BRINP1: variants seen among roughly 807,000 people sequenced by gnomAD.
BRINP1 encodes the protein BMP/retinoic acid-inducible neural-specific protein 1.
Under a neutral mutation model 72.9 loss-of-function variants are expected in BRINP1, and 17 were observed. The ratio of observed to expected loss-of-function variants is 0.23; its 90% CI spans 0.16 to 0.35. The LOEUF (loss-of-function observed/expected upper bound fraction) is 0.35, where lower values mean the gene tolerates loss of function less well. Ranked by LOEUF, BRINP1 falls within the 10% of genes least tolerant of loss-of-function variation. The pLI is 1.00. For synonymous variants in BRINP1, 418 were observed against 378.5 expected (o/e 1.10, Z -1.21); for missense variants, 850 against 1,001.6 (o/e 0.85, Z 2.04).
intron 2 of BRINP1, among the ~76,000 whole-genome samples, chr9:119,288,073 T>C (rs1830784602): frequency 6.6e-6 from 1 of 152,230 alleles, no homozygotes; most frequent in Non-Finnish European, 1.5e-5. Context: ...ATCATGCCTT[T>C]GGAGGAAGGT....
intron 5 of BRINP1, among the ~76,000 whole-genome samples, chr9:119,237,068 A>G (rs1830198909): frequency 6.6e-6 from 1 of 152,144 alleles, no homozygotes; most frequent in Admixed American, 6.5e-5. Context: ...GGAACCAGAA[A>G]ATAAAAGTCA....
At chr9:119,180,677 T>G (rs980896027) in intron 7 of BRINP1, among the ~76,000 whole-genome samples, 12 of 152,344 alleles carry the variant, frequency 7.9e-5, no homozygotes, top group South Asian at 6.2e-4. Context: ...AGATAAATAT[T>G]TAGCTTTTAA....
chr9:119,222,909 T>C, intron 5 of BRINP1, among the ~76,000 whole-genome samples: 1 of 152,008 alleles, frequency 6.6e-6, no homozygotes, highest in East Asian at 1.9e-4. Context: ...AATTTAAATA[T>C]AAGCTTCTTC....
intron 1 of BRINP1, among the ~76,000 whole-genome samples, chr9:119,325,937 C>G (rs755784169): frequency 6.6e-6 from 1 of 152,172 alleles, no homozygotes; most frequent in Non-Finnish European, 1.5e-5. Context: ...CTTGTTTAGA[C>G]TGTTCCCTCT....
At chr9:119,238,577 C>A in intron 5 of BRINP1, 78 bp downstream of exon 5, 1 of 792,026 alleles carries the variant, frequency 1.3e-6, no homozygotes, top group Non-Finnish European at 2.0e-6. Flanking sequence ...TCACTCCATC[C>A]CTCCTGATCC....
chr9:119,206,332 A>AT (rs1829853238), intron 7 of BRINP1, among the ~76,000 whole-genome samples: 1 of 150,290 alleles, frequency 6.7e-6, no homozygotes, highest in Admixed American at 6.7e-5. Context: ...GAGCAGGAGA[A>AT]TCGCTTGAAC....
At chr9:119,262,097 G>C (rs1286993233) in intron 2 of BRINP1, among the ~76,000 whole-genome samples, 1 of 152,154 alleles carries the variant, frequency 6.6e-6, no homozygotes, top group Admixed American at 6.5e-5. Context: ...GCTGGTTGTG[G>C]TTATTTTCAT....
chr9:119,318,844 G>GGGGTGTGTGTGTGT (rs111313745), intron 1 of BRINP1, among the ~76,000 whole-genome samples: 1 of 142,146 alleles, frequency 7.0e-6, no homozygotes, highest in African/African-American at 2.6e-5. Flanking sequence ...AAATGTGTGG[G>GGGGTGTGTGTGTGT]GTGTGTGTGT....
chr9:119,220,467 T>C (rs557521987), intron 5 of BRINP1, among the ~76,000 whole-genome samples: 1 of 152,162 alleles, frequency 6.6e-6, no homozygotes. Flanking sequence ...ATCGCTGACT[T>C]TGATTCTGCT....
chr9:119,247,776 ACTT>A (rs1300434784), intron 3 of BRINP1, among the ~76,000 whole-genome samples: 3 of 151,912 alleles, frequency 2.0e-5, no homozygotes, highest in East Asian at 1.9e-4. Flanking sequence ...TACTAGCTGT[ACTT>A]CTTCTGGGTC....
At chr9:119,271,946 C>T (rs1457419429) in intron 2 of BRINP1, among the ~76,000 whole-genome samples, 1 of 152,064 alleles carries the variant, frequency 6.6e-6, no homozygotes, top group African/African-American at 2.4e-5. Context: ...AGCAATCTTC[C>T]TGCCCCAGCC....
chr9:119,317,697 T>C (rs1055403644), intron 1 of BRINP1, among the ~76,000 whole-genome samples: 1 of 152,192 alleles, frequency 6.6e-6, no homozygotes, highest in Admixed American at 6.5e-5. Flanking sequence ...AGTCAATTGA[T>C]GTGGCAAACC....
rs754374991 is a variant in BRINP1 at position 119,167,613 on chromosome 9, C to T, written c.1757G>A (p.Arg586His). 10 of 1,614,018 alleles carry T rather than the reference C, an allele frequency of 6.2e-6. No individual in the cohort carries two copies. Among genetic ancestry groups the T allele is most frequent in the Middle Eastern group, 1.6e-4 (1 of 6,084 alleles). The change falls in exon 8 of 8, where the codon CGC (arginine) becomes CAC (histidine). Residue 586 changes from arginine to histidine, a missense_variant. Physicochemically the swap from Arg to His is conservative, Grantham distance 29. Coordinates refer to ENST00000265922, the MANE Select transcript of BRINP1 (RefSeq NM_014618.3). This position sits in a 1 kb window ranked among gnomAD's most constrained non-coding sequence, Gnocchi z 4.3. ...GTTTTGGAGACGGATCTTCTCCCAG[C>T]GTGGGTAGCCAAATTCCCCGAAGGG... Reference protein sequence around the residue: ...NMPFGEFGYPRWEKIRLQNSQ... With the variant: ...NMPFGEFGYPHWEKIRLQNSQ...
intron 2 of BRINP1, among the ~76,000 whole-genome samples, chr9:119,265,848 C>A (rs1830543887): frequency 6.6e-6 from 1 of 152,092 alleles, no homozygotes; most frequent in Admixed American, 6.6e-5. Context: ...AAGCATAGTA[C>A]CCCATAGGTA....
At chr9:119,200,647 A>AG (rs1829795624) in intron 7 of BRINP1, among the ~76,000 whole-genome samples, 1 of 151,084 alleles carries the variant, frequency 6.6e-6, no homozygotes, top group Non-Finnish European at 1.5e-5. Context: ...AAAAAAAAAA[A>AG]AAAGAAAGAA....
chr9:119,229,364 A>G (rs1462388298), intron 5 of BRINP1, among the ~76,000 whole-genome samples: 1 of 152,156 alleles, frequency 6.6e-6, no homozygotes, highest in Non-Finnish European at 1.5e-5. Context: ...TCTTACATGC[A>G]TAATACAACA....
chr9:119,180,479 ATG>A (rs112009324), intron 7 of BRINP1, among the ~76,000 whole-genome samples: 15,420 of 132,038 alleles, frequency 0.12, 789 homozygotes, highest in South Asian at 0.21. Context: ...CTCTCTGTGC[ATG>A]TGTGTGTGTG....
intron 1 of BRINP1, among the ~76,000 whole-genome samples, chr9:119,330,311 A>T (rs1464704739): frequency 6.6e-6 from 1 of 152,022 alleles, no homozygotes; most frequent in African/African-American, 2.4e-5. Context: ...CTACTTTCCA[A>T]ACTCACCTCA....
In BRINP1 at chr9:119,333,706, A is replaced by G. The variant is rs186080325; in HGVS notation, c.-50-20301T>C. The stretch of plus-strand genomic sequence containing the variant: ...TATTCACTGAAGTTCTTTCCATCTC[A>G]TAGGCTGTGAATGTGCAGTCTACCT... On this transcript the variant is annotated intron_variant, in intron 1 of 7. Transcript: ENST00000265922. Among the ~76,000 whole-genome samples, 367 of 152,232 alleles carry G rather than the reference A, an allele frequency of 2.4e-3. 3 individuals carry two copies. Among genetic ancestry groups the G allele is most frequent in the Non-Finnish European group, 3.7e-3 (251 of 68,018 alleles).
Sources: allele counts gnomAD v4.1 joint callset (sites outside exome capture counted in the v4.1 genomes callset), GRCh38; gene constraint gnomAD v4.1.1; non-coding constraint Gnocchi (gnomAD v3.1); transcripts MANE v1.5; gene names NCBI Gene and HGNC (gene_info 2026-07-23, HGNC 2026-07-21).